Variants in HIVEP1 observed in about 807,000 individuals in gnomAD.
The protein encoded by HIVEP1 is zinc finger protein 40.
HIVEP1 carries 36 observed loss-of-function variants against 180.0 expected under a neutral mutation model. The ratio of observed to expected loss-of-function variants is 0.20; its 90% CI spans 0.15 to 0.26. The LOEUF (loss-of-function observed/expected upper bound fraction) is 0.26. HIVEP1 is among the 10% of genes least tolerant of loss of function. The pLI is 1.00. For missense variants in HIVEP1, 3,143 were observed against 3,268.7 expected (o/e 0.96, Z 0.94); for synonymous variants, 1,239 against 1,239.0 (o/e 1.00, Z 0.00).
At chr6:12,144,303 G>C (rs937810951) in intron 7 of HIVEP1, among the ~76,000 whole-genome samples, 4 of 152,150 alleles carry the variant, frequency 2.6e-5, no homozygotes, top group Non-Finnish European at 5.9e-5. Flanking sequence ...TTAATAAACA[G>C]TGCTGGGAAA....
chr6:12,055,585 T>C (rs1353202703), intron 2 of HIVEP1, among the ~76,000 whole-genome samples: 1 of 152,184 alleles, frequency 6.6e-6, no homozygotes, highest in African/African-American at 2.4e-5. Flanking sequence ...AATATGGACA[T>C]GGTATTTATA....
intron 7 of HIVEP1, among the ~76,000 whole-genome samples, chr6:12,139,694 T>C (rs1228255392): frequency 1.3e-5 from 2 of 152,256 alleles, no homozygotes; most frequent in Non-Finnish European, 2.9e-5. Flanking sequence ...ATCCCGCATC[T>C]GGCTTGGTGG....
At chr6:12,158,331 A>G (rs1760181980) in intron 7 of HIVEP1, among the ~76,000 whole-genome samples, 1 of 152,138 alleles carries the variant, frequency 6.6e-6, no homozygotes, top group Non-Finnish European at 1.5e-5. Context: ...GTTGGCAGCT[A>G]TCCTCACTGC....
In HIVEP1 at chr6:12,120,291, A is replaced by G. The variant is rs553363576; in HGVS notation, c.496A>G (p.Ser166Gly). The change falls in exon 4 of 9, where the codon AGT (serine) becomes GGT (glycine). Residue 166 changes from serine (S) to glycine (G), a missense_variant. Physicochemically the swap from Ser to Gly is moderately conservative, Grantham distance 56 (BLOSUM62 0). This residue lies in a region of HIVEP1 where 306 missense variants were observed against 310.6 expected (regional missense o/e 0.99). Coordinates refer to ENST00000379388, the MANE Select transcript of HIVEP1 (RefSeq NM_002114.4). ...FSDLDEQCDS[S>G]SLSSKTRTDN... ...TGACCTCGATGAACAATGTGACTCAAGTTCCTTGTCAAGTAAAACCAGGAC... is the reference window on the plus strand; with the variant it reads ...TGACCTCGATGAACAATGTGACTCAGGTTCCTTGTCAAGTAAAACCAGGAC... The G allele has an allele frequency of 2.5e-6, 4 of 1,614,188 alleles. No homozygotes were observed. The African/African-American group carries it at 5.3e-5, about 22-fold the overall frequency.
intron 3 of HIVEP1, among the ~76,000 whole-genome samples, chr6:12,089,799 ATATCT>A (rs1448290967): frequency 2.0e-5 from 3 of 152,090 alleles, no homozygotes. Flanking sequence ...AGTATGTAAA[ATATCT>A]TATTTTTTTG....
chr6:12,059,009 T>TG (rs1399701609), intron 2 of HIVEP1, among the ~76,000 whole-genome samples: 2 of 151,914 alleles, frequency 1.3e-5, no homozygotes, highest in African/African-American at 4.8e-5. Context: ...TGGAGTGCAG[T>TG]GACACAATCT....
In HIVEP1 at chr6:12,063,382, A is replaced by T. The variant is rs1771363016; in HGVS notation, c.41-25802A>T. Among the ~76,000 whole-genome samples, 1 of 152,094 alleles carries T rather than the reference A, an allele frequency of 6.6e-6. No homozygotes were observed. The highest frequency in any genetic ancestry group is 2.4e-5 in the African/African-American group (1 of 41,416). Reference sequence around the variant, plus strand: ...ACCAAGATGTCTCCAGGCATTTCCAAATGCCTTTTGGGGGGCAAAATCACC... The same window carrying T: ...ACCAAGATGTCTCCAGGCATTTCCATATGCCTTTTGGGGGGCAAAATCACC... On this transcript the variant is annotated intron_variant, in intron 2 of 8. Coordinates refer to ENST00000379388, the MANE Select transcript of HIVEP1 (RefSeq NM_002114.4). This position sits in a 1 kb window ranked among gnomAD's most constrained non-coding sequence, Gnocchi z 4.2.
intron 7 of HIVEP1, among the ~76,000 whole-genome samples, chr6:12,153,685 A>G (rs899466006): frequency 4.0e-5 from 6 of 151,772 alleles, no homozygotes; most frequent in Non-Finnish European, 7.4e-5. Context: ...TGTGCTTCCA[A>G]GTTAACCAGT....
intron 8 of HIVEP1, among the ~76,000 whole-genome samples, chr6:12,162,312 TG>T (rs1760460318): frequency 6.6e-6 from 1 of 151,996 alleles, no homozygotes; most frequent in South Asian, 2.1e-4. Context: ...CCACTGGTGC[TG>T]ATGTGATGAT....
chr6:12,176,847 C>G, the HIVEP1 span, among the ~76,000 whole-genome samples: 1 of 152,120 alleles, frequency 6.6e-6, no homozygotes, highest in Non-Finnish European at 1.5e-5. Flanking sequence ...TCCCATTTGT[C>G]AATTTTTGCT....
the HIVEP1 span, among the ~76,000 whole-genome samples, chr6:12,211,235 T>C: frequency 9.3e-6 from 1 of 107,188 alleles, no homozygotes; most frequent in Non-Finnish European, 1.9e-5. Flanking sequence ...CCGTCTCTAC[T>C]AAAAATACAA....
chr6:12,162,616 A>T (rs768900482), intron 8 of HIVEP1, among the ~76,000 whole-genome samples: 17 of 152,192 alleles, frequency 1.1e-4, no homozygotes, highest in Non-Finnish European at 2.5e-4. Context: ...TCCCTCATTG[A>T]CAGTTCTCTT....
intron 2 of HIVEP1, among the ~76,000 whole-genome samples, chr6:12,078,650 C>CATACATATAT (rs1443288558): frequency 7.6e-6 from 1 of 132,334 alleles, no homozygotes; most frequent in Non-Finnish European, 1.6e-5. Flanking sequence ...CACACACACA[C>CATACATATAT]ATACATATAT....
At chr6:12,208,800 C>G in the HIVEP1 span, among the ~76,000 whole-genome samples, 51 of 152,308 alleles carry the variant, frequency 3.3e-4, no homozygotes, top group African/African-American at 1.2e-3. Context: ...TCTGCTGACA[C>G]CTGATCTCAG....
At chr6:12,020,501 A>G in intron 2 of HIVEP1, 1 of 468,048 alleles carries the variant, frequency 2.1e-6, no homozygotes, top group Admixed American at 2.4e-5. Context: ...TATCTCCACC[A>G]CCTTCTCAGG....
At chr6:12,146,054 T>G (rs1407961850) in intron 7 of HIVEP1, among the ~76,000 whole-genome samples, 1 of 152,190 alleles carries the variant, frequency 6.6e-6, no homozygotes, top group African/African-American at 2.4e-5. Context: ...ACAGGAGAAA[T>G]GGGGTAAACC....
chr6:12,104,362 T>TTC (rs558381690), intron 3 of HIVEP1, among the ~76,000 whole-genome samples: 82 of 150,034 alleles, frequency 5.5e-4, no homozygotes, highest in Middle Eastern at 6.9e-3. Context: ...ATCTGACTTA[T>TTC]TCTCTCTCTC....
intron 6 of HIVEP1, among the ~76,000 whole-genome samples, chr6:12,135,335 T>A (rs1210997515): frequency 6.6e-6 from 1 of 152,162 alleles, no homozygotes; most frequent in Non-Finnish European, 1.5e-5. Context: ...CCCAGGGTAC[T>A]TAGGATTCCA....
intron 2 of HIVEP1, among the ~76,000 whole-genome samples, chr6:12,039,893 G>A (rs1046674511): frequency 1.3e-5 from 2 of 152,190 alleles, no homozygotes; most frequent in South Asian, 2.1e-4. Flanking sequence ...ACCCCTGTGA[G>A]CACCTGCAGT....
Sources: gnomAD v4.1 joint callset for allele counts (sites outside exome capture counted in the v4.1 genomes callset) on GRCh38, gnomAD v4.1.1 for gene constraint, gnomAD v4.1.1 regional missense constraint, Gnocchi (gnomAD v3.1) non-coding constraint, MANE v1.5 for transcripts, NCBI Gene and HGNC (gene_info 2026-07-23, HGNC 2026-07-21) for gene names.